OLFM3: variants seen among roughly 807,000 people sequenced by gnomAD.
The protein encoded by OLFM3 is noelin-3.
A neutral mutation model predicts 48.6 loss-of-function variants in OLFM3; 20 were observed. The ratio of observed to expected loss-of-function variants is 0.41; its 90% CI spans 0.29 to 0.60. The LOEUF (loss-of-function observed/expected upper bound fraction) is 0.60, where lower values mean the gene tolerates loss of function less well. Ranked by LOEUF, OLFM3 falls within the 20% of genes least tolerant of loss-of-function variation. OLFM3 has a pLI of 0.28. For missense variants in OLFM3, 437 were observed against 544.3 expected, an observed-to-expected ratio of 0.80 and a Z score of 1.96; for synonymous variants, 222 against 198.1, an observed-to-expected ratio of 1.12 and a Z score of -1.01.
intron 1 of OLFM3, among the ~76,000 whole-genome samples, chr1:101,936,447 G>T (rs959991037): frequency 6.6e-6 from 1 of 152,098 alleles, no homozygotes; most frequent in African/African-American, 2.4e-5. Flanking sequence ...ACAAAGCCCT[G>T]CTCAAAGAAA....
intron 1 of OLFM3, among the ~76,000 whole-genome samples, chr1:101,860,177 G>A (rs530688577): frequency 6.6e-6 from 1 of 152,042 alleles, no homozygotes; most frequent in African/African-American, 2.4e-5. Context: ...TCAAGAAAGG[G>A]GGTCCAGAGT....
chr1:101,863,390 T>A (rs1390489764), intron 1 of OLFM3, among the ~76,000 whole-genome samples: 4 of 152,382 alleles, frequency 2.6e-5, no homozygotes, highest in Admixed American at 2.0e-4. Flanking sequence ...TACTTCTTTC[T>A]GCTACATAAC....
At chr1:101,984,663 G>A (rs1661188120) in intron 1 of OLFM3, among the ~76,000 whole-genome samples, 1 of 152,188 alleles carries the variant, frequency 6.6e-6, no homozygotes, top group Non-Finnish European at 1.5e-5. Flanking sequence ...GCCTCCCAAA[G>A]TGCTGGGATT....
Position 101,884,135 on chromosome 1 carries a change from C to T in OLFM3, c.70-47110G>A, listed in dbSNP as rs535224492. Among the ~76,000 whole-genome samples the T allele has an allele frequency of 5.9e-5, 9 of 151,902 alleles. No individual in the cohort carries two copies. In the East Asian group the frequency reaches 1.6e-3, roughly 26 times the overall value. On this transcript the variant is annotated intron_variant, in intron 1 of 5. Coordinates refer to ENST00000370103, the MANE Select transcript of OLFM3 (RefSeq NM_058170.4). ...CCCCTTCTATGGACTTTCTGGAGCC[C>T]CAGACCTCTCCCAACATCCTCTCTA...
At chr1:101,950,600 G>A (rs1570659209) in intron 1 of OLFM3, among the ~76,000 whole-genome samples, 1 of 151,808 alleles carries the variant, frequency 6.6e-6, no homozygotes, top group Non-Finnish European at 1.5e-5. Context: ...CACCACTCCC[G>A]GCTAATTTTT....
intron 1 of OLFM3, among the ~76,000 whole-genome samples, chr1:101,900,142 G>A (rs1658343140): frequency 6.6e-6 from 1 of 152,122 alleles, no homozygotes; most frequent in Non-Finnish European, 1.5e-5. Flanking sequence ...TTATTTATAT[G>A]TTTGATGTTT....
intron 3 of OLFM3, among the ~76,000 whole-genome samples, chr1:101,830,258 A>G (rs975263732): frequency 6.6e-6 from 1 of 152,206 alleles, no homozygotes; most frequent in Admixed American, 6.5e-5. Flanking sequence ...TAAAATCTAG[A>G]AAAATACTTT....
chr1:101,943,052 G>A (rs1228783065), intron 1 of OLFM3, among the ~76,000 whole-genome samples: 2 of 152,180 alleles, frequency 1.3e-5, no homozygotes, highest in Non-Finnish European at 2.9e-5. Flanking sequence ...ATGGGGCATC[G>A]TGATGGTCTT....
chr1:101,875,512 T>C (rs1299632405), intron 1 of OLFM3, among the ~76,000 whole-genome samples: 1 of 152,030 alleles, frequency 6.6e-6, no homozygotes, highest in Non-Finnish European at 1.5e-5. Context: ...TACTTTCCGC[T>C]CTTTTTTTGT....
intron 1 of OLFM3, among the ~76,000 whole-genome samples, chr1:101,855,607 T>C (rs2100954701): frequency 6.6e-6 from 1 of 152,240 alleles, no homozygotes; most frequent in African/African-American, 2.4e-5. Flanking sequence ...AAAAGCAACA[T>C]GTCTTCACTT....
intron 1 of OLFM3, among the ~76,000 whole-genome samples, chr1:101,991,017 ATAT>A (rs1359491070): frequency 8.1e-4 from 28 of 34,428 alleles, no homozygotes; most frequent in African/African-American, 1.0e-3. Flanking sequence ...AAAAAAAAAA[ATAT>A]ATATATATAT....
intron 1 of OLFM3, among the ~76,000 whole-genome samples, chr1:101,934,663 TAC>T (rs1048358931): frequency 6.6e-6 from 1 of 151,920 alleles, no homozygotes; most frequent in Non-Finnish European, 1.5e-5. Context: ...CAACAAAATA[TAC>T]AGTCTTCTCA....
intron 1 of OLFM3, among the ~76,000 whole-genome samples, chr1:101,897,542 G>A (rs765711837): frequency 5.9e-5 from 9 of 152,180 alleles, no homozygotes; most frequent in Non-Finnish European, 1.3e-4. Context: ...ACATAAGAGT[G>A]AAAAACAGTG....
intron 1 of OLFM3, among the ~76,000 whole-genome samples, chr1:101,933,352 C>T (rs374184398): frequency 1.2e-4 from 18 of 150,872 alleles, no homozygotes; most frequent in East Asian, 7.8e-4. Flanking sequence ...ACCAAACTGA[C>T]GAAAGAATCT....
At chr1:101,955,800 A>C (rs1450394863) in intron 1 of OLFM3, among the ~76,000 whole-genome samples, 3 of 151,926 alleles carry the variant, frequency 2.0e-5, no homozygotes, top group Non-Finnish European at 4.4e-5. Context: ...AATGCTATAC[A>C]TAGTTACATC....
At chr1:101,865,042 G>A (rs966547293) in intron 1 of OLFM3, among the ~76,000 whole-genome samples, 11 of 152,124 alleles carry the variant, frequency 7.2e-5, no homozygotes, top group African/African-American at 2.7e-4. Context: ...TTAACTCCTT[G>A]GCTTCAATTT....
At chr1:101,978,956 G>C (rs953759786) in intron 1 of OLFM3, among the ~76,000 whole-genome samples, 25 of 152,118 alleles carry the variant, frequency 1.6e-4, no homozygotes, top group Admixed American at 1.4e-3. Context: ...GCATATGCTA[G>C]AGCAGAAATA....
At chr1:101,979,682 C>G (rs56175226) in intron 1 of OLFM3, among the ~76,000 whole-genome samples, 1 of 152,152 alleles carries the variant, frequency 6.6e-6, no homozygotes, top group Non-Finnish European at 1.5e-5. Flanking sequence ...CATGGAAAAC[C>G]TCTGCTAGGG....
Position 101,830,772 on chromosome 1 carries a change from A to G in OLFM3, c.272T>C (p.Phe91Ser). 6.2e-7 allele frequency: 1 copy of G among 1,614,056 alleles called. No homozygotes were observed. Among genetic ancestry groups the G allele is most frequent in the African/African-American group, 1.3e-5 (1 of 75,032 alleles). ...EVLNLRTQRDFQYVLKMETQM... is the reference protein window; with the variant it reads ...EVLNLRTQRDSQYVLKMETQM... ...GGTTTCCATTTTTAAAACATATTGG[A>G]AATCTCTCTGAGTTCTCAAGTTTAA... The change falls in exon 3 of 6, where the codon TTC becomes TCC. Residue 91 changes from phenylalanine to serine, a missense_variant. Phe to Ser is a radical substitution (Grantham distance 155). Transcript: ENST00000370103.
Sources: allele counts gnomAD v4.1 joint callset (sites outside exome capture counted in the v4.1 genomes callset), GRCh38; gene constraint gnomAD v4.1.1; transcripts MANE v1.5; gene names NCBI Gene and HGNC (gene_info 2026-07-23, HGNC 2026-07-21).